Variants in INSL6 observed in about 807,000 individuals in gnomAD.
INSL6 encodes insulin like 6, also known as insulin-like peptide INSL6.
A neutral mutation model predicts 9.4 loss-of-function variants in INSL6; 16 were observed. The observed-to-expected ratio is 1.70, with a 90% CI of 1.15 to 2.59. The LOEUF (loss-of-function observed/expected upper bound fraction) is 2.59, where lower values mean the gene tolerates loss of function less well. Ranked by LOEUF, INSL6 falls within the 30% of genes most tolerant of loss-of-function variation. The pLI is 0.00. For missense variants in INSL6, 391 were observed against 257.3 expected (o/e 1.52, Z -3.56); for synonymous variants, 154 against 96.9 (o/e 1.59, Z -3.46).
the INSL6 span, chr9:5,085,033 T>C: frequency 1.3e-4 from 102 of 803,842 alleles, 1 homozygote; most frequent in East Asian, 2.9e-3. Context: ...GAAAGTTGAA[T>C]GAGGGCGTCT....
chr9:5,178,839 T>C (rs984803826), intron 1 of INSL6, among the ~76,000 whole-genome samples: 1 of 152,140 alleles, frequency 6.6e-6, no homozygotes, highest in African/African-American at 2.4e-5. Context: ...GACCCCTTCC[T>C]TACACTCTAC....
At chr9:5,057,319 TGTTA>T in the INSL6 span, among the ~76,000 whole-genome samples, 1 of 152,146 alleles carries the variant, frequency 6.6e-6, no homozygotes, top group Non-Finnish European at 1.5e-5. Context: ...GTGTATTATG[TGTTA>T]GTAACATTTT....
the INSL6 span, among the ~76,000 whole-genome samples, chr9:5,086,536 T>G: frequency 1.3e-5 from 2 of 152,206 alleles, no homozygotes; most frequent in African/African-American, 4.8e-5. Flanking sequence ...CTTTTAGTAC[T>G]CATTGTTTTC....
intron 2 of INSL6, among the ~76,000 whole-genome samples, chr9:5,157,778 T>C (rs371212554): frequency 6.6e-6 from 1 of 152,248 alleles, no homozygotes; most frequent in African/African-American, 2.4e-5. Flanking sequence ...CACTCTTGAA[T>C]GCTCAGATAC....
the INSL6 span, among the ~76,000 whole-genome samples, chr9:5,038,509 A>G: frequency 1.3e-5 from 2 of 152,182 alleles, no homozygotes; most frequent in Non-Finnish European, 2.9e-5. Context: ...TAGAAAATCA[A>G]CAAAATACTT....
chr9:5,159,332 A>T (rs912883655), downstream of INSL6, among the ~76,000 whole-genome samples: 8 of 148,860 alleles, frequency 5.4e-5, no homozygotes, highest in African/African-American at 2.0e-4. Context: ...AAACTCCCCA[A>T]TTAAAAGACA....
At chr9:5,160,172 G>A (rs1032985009), downstream of INSL6, among the ~76,000 whole-genome samples, 61 of 125,108 alleles carry the variant, frequency 4.9e-4, no homozygotes, top group African/African-American at 1.9e-3. Flanking sequence ...GTAAAACTCG[G>A]TCTCAAAAAA....
the INSL6 span, chr9:5,111,320 C>T: frequency 2.2e-6 from 1 of 448,830 alleles, no homozygotes. Flanking sequence ...GCCCCGGACC[C>T]CTGTCCCCCT....
intron 3 of INSL6, chr9:5,127,744 G>C (rs1257369981): frequency 8.6e-6 from 2 of 232,458 alleles, no homozygotes; most frequent in Admixed American, 1.1e-4. Context: ...AAATAGATTA[G>C]ATTGTTTTTT....
chr9:5,097,607 C>G, the INSL6 span: 1 of 151,410 alleles, frequency 6.6e-6, no homozygotes, highest in South Asian at 2.1e-4. Flanking sequence ...GCTATGCCTA[C>G]TGGCATCAAG....
intron 3 of INSL6, among the ~76,000 whole-genome samples, chr9:5,132,292 A>C (rs1824306493): frequency 6.6e-6 from 1 of 152,226 alleles, no homozygotes; most frequent in Non-Finnish European, 1.5e-5. Flanking sequence ...CTAAAGAATG[A>C]TGAACATGGT....
the INSL6 span, among the ~76,000 whole-genome samples, chr9:5,036,199 A>G: frequency 6.6e-6 from 1 of 152,198 alleles, no homozygotes; most frequent in Non-Finnish European, 1.5e-5. Flanking sequence ...AAGGAGAACT[A>G]CAAACCACTG....
At chr9:5,095,144 A>C in the INSL6 span, 1 of 151,846 alleles carries the variant, frequency 6.6e-6, no homozygotes, top group African/African-American at 2.4e-5. Flanking sequence ...GCTACCTATT[A>C]AACCATATCC....
chr9:5,182,905 A>C (rs933829771), intron 1 of INSL6, among the ~76,000 whole-genome samples: 3 of 152,188 alleles, frequency 2.0e-5, no homozygotes, highest in African/African-American at 7.2e-5. Flanking sequence ...ACACAATTAC[A>C]GATTCAAGAT....
chr9:5,092,619 G>T, the INSL6 span, among the ~76,000 whole-genome samples: 6 of 152,154 alleles, frequency 3.9e-5, no homozygotes, highest in South Asian at 4.1e-4. Context: ...AAAGAACTGA[G>T]CAAAGACAAG....
the INSL6 span, among the ~76,000 whole-genome samples, chr9:5,019,416 C>G: frequency 6.6e-6 from 1 of 151,962 alleles, no homozygotes; most frequent in Non-Finnish European, 1.5e-5. Context: ...TGGTAAATTT[C>G]TCATTGATAT....
intron 1 of INSL6, among the ~76,000 whole-genome samples, chr9:5,172,387 A>C (rs543524825): frequency 5.9e-5 from 9 of 152,332 alleles, no homozygotes; most frequent in African/African-American, 2.2e-4. Flanking sequence ...TGCTATTCAC[A>C]ACATAGGTAT....
chr9:5,083,415 T>A, the INSL6 span, among the ~76,000 whole-genome samples: 5 of 152,220 alleles, frequency 3.3e-5, no homozygotes, highest in Middle Eastern at 3.2e-3. Context: ...AGTACCATGT[T>A]AGTGTTGTCT....
intron 2 of INSL6, among the ~76,000 whole-genome samples, chr9:5,154,404 T>C (rs966562153): frequency 1.4e-4 from 21 of 152,128 alleles, no homozygotes; most frequent in African/African-American, 2.2e-4. Flanking sequence ...ATTCAGGACA[T>C]AGGCATGGGC....
Sources: allele counts gnomAD v4.1 joint callset (sites outside exome capture counted in the v4.1 genomes callset), GRCh38; gene constraint gnomAD v4.1.1; transcripts MANE v1.5; gene names NCBI Gene and HGNC (gene_info 2026-07-23, HGNC 2026-07-21).